The following COX7A2L variants were observed in gnomAD, a reference collection of about 807,000 sequenced individuals.
COX7A2L encodes cytochrome c oxidase subunit 7A2-like, mitochondrial.
Under a neutral mutation model 14.2 loss-of-function variants are expected in COX7A2L, and 18 were observed. That is an observed-to-expected ratio of 1.27 (90% CI 0.88 to 1.88). COX7A2L has a LOEUF of 1.88. Ranked by LOEUF, COX7A2L falls within the 40% of genes most tolerant of loss-of-function variation. The pLI, the probability that COX7A2L is intolerant of heterozygous loss-of-function variation, is 0.00. For missense variants in COX7A2L, 179 were observed against 138.8 expected, an observed-to-expected ratio of 1.29 and a Z score of -1.46; for synonymous variants, 65 against 57.4, an observed-to-expected ratio of 1.13 and a Z score of -0.60.
intron 1 of COX7A2L, among the ~76,000 whole-genome samples, chr2:42,355,589 A>G (rs941200382): frequency 3.9e-5 from 6 of 151,936 alleles, no homozygotes; most frequent in Non-Finnish European, 8.8e-5. Flanking sequence ...AATATTGTAA[A>G]AGTTTATAGA....
chr2:42,358,916 A>G (rs917585781), intron 1 of COX7A2L, among the ~76,000 whole-genome samples: 2 of 152,204 alleles, frequency 1.3e-5, no homozygotes, highest in African/African-American at 4.8e-5. Context: ...GGACTGCCTG[A>G]GCCGGGGAGT....
At chr2:42,335,777 G>T (rs1312774332) in intron 2 of COX7A2L, among the ~76,000 whole-genome samples, 1 of 152,226 alleles carries the variant, frequency 6.6e-6, no homozygotes. Flanking sequence ...TAATAAGAAT[G>T]AAATCGGTTA....
rs560306245 is a variant in COX7A2L, at chr2:42,339,517, T to C, written c.193-5648A>G. Among the ~76,000 whole-genome samples the C allele has an allele frequency of 2.0e-5, 3 of 152,308 alleles. No homozygotes were observed. Among genetic ancestry groups the C allele is most frequent in the African/African-American group, 7.2e-5 (3 of 41,562 alleles). ...GAGCGACACTGGCCGACAACCTCCTTGAAACCCCCTCCTCTCCTGCCACCA... is the reference window on the plus strand; with the variant it reads ...GAGCGACACTGGCCGACAACCTCCTCGAAACCCCCTCCTCTCCTGCCACCA... On this transcript the variant is annotated intron_variant, in intron 2 of 2. Transcript: ENST00000468711. This position sits in a 1 kb window ranked among gnomAD's most constrained non-coding sequence, Gnocchi z 5.4.
intron 1 of COX7A2L, among the ~76,000 whole-genome samples, chr2:42,354,489 AAAG>A (rs1462040090): frequency 6.6e-6 from 1 of 152,250 alleles, no homozygotes; most frequent in East Asian, 1.9e-4. Flanking sequence ...TTTTACAGAC[AAAG>A]AAGGAAACCT....
At chr2:42,340,864 G>T (rs139330884) in intron 2 of COX7A2L, among the ~76,000 whole-genome samples, 1 of 152,176 alleles carries the variant, frequency 6.6e-6, no homozygotes, top group Non-Finnish European at 1.5e-5. Context: ...CCACTGCGCA[G>T]CACACTGCAG....
rs1267903389 is a variant in COX7A2L at position 42,349,356 on chromosome 2, A to G, written c.*1863T>C. 6.6e-6 allele frequency: 1 copy of G among 152,200 alleles called. No homozygotes were observed. The highest frequency in any genetic ancestry group is 2.4e-5 in the African/African-American group (1 of 41,458). The allele number at this position is 152,200 out of a possible 1,614,324, so 9.4% of individuals were successfully genotyped here. ...AAGCCAGTCACGTACATCACACATCATATGATTATATTTATATGAAATGTC... is the reference window on the plus strand; with the variant it reads ...AAGCCAGTCACGTACATCACACATCGTATGATTATATTTATATGAAATGTC... On this transcript the variant is annotated 3_prime_UTR_variant, in exon 3 of 3. Transcript: ENST00000234301.
intron 1 of COX7A2L, among the ~76,000 whole-genome samples, chr2:42,366,291 T>C (rs1182374687): frequency 6.6e-6 from 1 of 152,076 alleles, no homozygotes; most frequent in Non-Finnish European, 1.5e-5. Flanking sequence ...TCGGGCGTGA[T>C]TGCACACCTG....
chr2:42,343,383 C>A (rs1050377424), intron 2 of COX7A2L, among the ~76,000 whole-genome samples: 2 of 152,220 alleles, frequency 1.3e-5, no homozygotes, highest in African/African-American at 4.8e-5. Context: ...GGCTCCAGCA[C>A]CTAATAGTGT....
chr2:42,340,627 G>A (rs186660360), intron 2 of COX7A2L, among the ~76,000 whole-genome samples: 5 of 152,006 alleles, frequency 3.3e-5, no homozygotes, highest in Admixed American at 2.0e-4. Context: ...AGGCGCACCC[G>A]AGATGCCCTC....
chr2:42,340,129 C>T (rs1457555164), intron 2 of COX7A2L, among the ~76,000 whole-genome samples: 1 of 152,100 alleles, frequency 6.6e-6, no homozygotes, highest in South Asian at 2.1e-4. Context: ...CCATAGGCAA[C>T]CCACATTCTC....
intron 1 of COX7A2L, among the ~76,000 whole-genome samples, chr2:42,357,893 T>C (rs1670877081): frequency 6.6e-6 from 1 of 152,084 alleles, no homozygotes; most frequent in Admixed American, 6.6e-5. Context: ...CCTTCATGAT[T>C]TACCTCCATC....
At chr2:42,337,889 A>C (rs1181652441) in intron 2 of COX7A2L, among the ~76,000 whole-genome samples, 2 of 152,114 alleles carry the variant, frequency 1.3e-5, no homozygotes, top group African/African-American at 4.8e-5. Context: ...CAGTCAGAGG[A>C]GGCAGTGCGG....
In COX7A2L at chr2:42,339,983, C is replaced by A. The variant is rs898937485; in HGVS notation, c.193-6114G>T. ...CCCATTCTATTTCCTCACTCCCACACGACCCTCTGAACAATGTCGCAGACA... is the reference window on the plus strand; with the variant it reads ...CCCATTCTATTTCCTCACTCCCACAAGACCCTCTGAACAATGTCGCAGACA... On this transcript the variant is annotated intron_variant, in intron 2 of 2. Coordinates refer to the COX7A2L transcript ENST00000468711. This position sits in a 1 kb window ranked among gnomAD's most constrained non-coding sequence, Gnocchi z 5.4. 6.6e-6 allele frequency among the ~76,000 whole-genome samples: 1 copy of A among 152,152 alleles called. No individual in the cohort carries two copies. Among genetic ancestry groups the A allele is most frequent in the Non-Finnish European group, 1.5e-5 (1 of 68,026 alleles).
At chr2:42,344,146 TTAAA>T (rs1330593906) in intron 2 of COX7A2L, among the ~76,000 whole-genome samples, 1 of 152,218 alleles carries the variant, frequency 6.6e-6, no homozygotes, top group Non-Finnish European at 1.5e-5. Context: ...CATTTTAAAT[TTAAA>T]TAGTTGCAAA....
intron 1 of COX7A2L, among the ~76,000 whole-genome samples, chr2:42,354,100 G>GT (rs747909697): frequency 2.6e-5 from 4 of 152,098 alleles, no homozygotes; most frequent in Non-Finnish European, 5.9e-5. Context: ...GGCTAGGGAG[G>GT]TAACAGTTAA....
rs113249370 is a variant in COX7A2L at position 42,342,027 on chromosome 2, G to T, written c.193-8158C>A. 6.6e-5 allele frequency among the ~76,000 whole-genome samples: 10 copies of T among 152,178 alleles called. No individual in the cohort carries two copies. Among genetic ancestry groups the T allele is most frequent in the Non-Finnish European group, 1.3e-4 (9 of 68,012 alleles). Reference sequence around the variant, plus strand: ...CCTAAGCAGGGGGCAGGTGGGAGGGGAAGATGGGGTTAAAGCCCTCCCAGG... The same window carrying T: ...CCTAAGCAGGGGGCAGGTGGGAGGGTAAGATGGGGTTAAAGCCCTCCCAGG... On this transcript the variant is annotated intron_variant, in intron 2 of 2. Coordinates refer to the COX7A2L transcript ENST00000468711. The surrounding 1 kb of genome is among the most constrained non-coding windows in gnomAD (Gnocchi z 4.9).
At chr2:42,348,150 T>C (rs1235393781), downstream of COX7A2L, among the ~76,000 whole-genome samples, 2 of 152,178 alleles carry the variant, frequency 1.3e-5, no homozygotes, top group African/African-American at 4.8e-5. Context: ...GGAAATTCCA[T>C]CAAATTTCTT....
chr2:42,347,732 A>C (rs910412451), downstream of COX7A2L, among the ~76,000 whole-genome samples: 2 of 152,076 alleles, frequency 1.3e-5, no homozygotes, highest in South Asian at 2.1e-4. Flanking sequence ...GACCAGCCTG[A>C]CCAACCCGGA....
In COX7A2L at chr2:42,367,899, C is replaced by A. The variant is rs370709751; in HGVS notation, c.-688+969G>T. Among the ~76,000 whole-genome samples the A allele has an allele frequency of 1.3e-4, 20 of 152,350 alleles. No homozygotes were observed. In the South Asian group the frequency reaches 4.1e-3, roughly 32 times the overall value. On this transcript the variant is annotated intron_variant, in intron 1 of 3. Coordinates refer to the COX7A2L transcript ENST00000378669. Reference sequence around the variant, plus strand: ...CTGCAAGGCTACCGTGTCCTCTTCCCTGGCACCACTCCTATACCCTAACAG... The same window carrying A: ...CTGCAAGGCTACCGTGTCCTCTTCCATGGCACCACTCCTATACCCTAACAG...
Sources: gnomAD v4.1 joint callset for allele counts (sites outside exome capture counted in the v4.1 genomes callset) on GRCh38, gnomAD v4.1.1 for gene constraint, Gnocchi (gnomAD v3.1) non-coding constraint, MANE v1.5 for transcripts, NCBI Gene and HGNC (gene_info 2026-07-23, HGNC 2026-07-21) for gene names.